Variants in CHD1L observed in about 807,000 individuals in gnomAD.
The protein encoded by CHD1L is chromodomain helicase DNA binding protein 1 like.
CHD1L carries 118 observed loss-of-function variants against 115.9 expected under a neutral mutation model. That is an observed-to-expected ratio of 1.02 (90% CI 0.88 to 1.19). The LOEUF (loss-of-function observed/expected upper bound fraction) is 1.19, where lower values mean the gene tolerates loss of function less well. CHD1L is among the 50% of genes most tolerant of loss of function. CHD1L has a pLI of 0.00. For missense variants in CHD1L, 1,179 were observed against 1,065.3 expected (o/e 1.11, Z -1.49); for synonymous variants, 411 against 387.1 (o/e 1.06, Z -0.72).
intron 15 of CHD1L, 38 bp from the exon 16 acceptor site, chr1:147,284,313 G>T (rs781895046): frequency 4.7e-6 from 7 of 1,474,140 alleles, no homozygotes; most frequent in Non-Finnish European, 6.4e-6. Context: ...TTTTTCCTTG[G>T]TATCTAACAT....
At chr1:147,278,859 C>T (rs587738913) in intron 14 of CHD1L, among the ~76,000 whole-genome samples, 2 of 152,146 alleles carry the variant, frequency 1.3e-5, no homozygotes, top group African/African-American at 4.8e-5. Context: ...ACTCTCTAAC[C>T]TCCGAGCACA....
chr1:147,245,666 T>C (rs1553933369), intron 1 of CHD1L, among the ~76,000 whole-genome samples: 1 of 150,920 alleles, frequency 6.6e-6, no homozygotes. Flanking sequence ...TCTTTGTGGA[T>C]ATAATTACAT....
intron 14 of CHD1L, among the ~76,000 whole-genome samples, chr1:147,277,579 CT>C (rs1183238778): frequency 6.6e-6 from 1 of 152,084 alleles, no homozygotes; most frequent in Non-Finnish European, 1.5e-5. Flanking sequence ...GTAGGTGTGG[CT>C]TTTTTCTTTT....
At chr1:147,214,189 C>T in the CHD1L span, among the ~76,000 whole-genome samples, 4 of 152,102 alleles carry the variant, frequency 2.6e-5, no homozygotes, top group African/African-American at 7.2e-5. Context: ...CGGTGGCTCA[C>T]GCATGTAATC....
At chr1:147,294,583 G>C in intron 22 of CHD1L, 66 bp downstream of exon 22, 1 of 1,299,478 alleles carries the variant, frequency 7.7e-7, no homozygotes, top group East Asian at 2.4e-5. Context: ...TCATTTTCTG[G>C]TGTCAGTTCT....
At chr1:147,245,543 C>A (rs1291065888) in intron 1 of CHD1L, among the ~76,000 whole-genome samples, 1 of 152,088 alleles carries the variant, frequency 6.6e-6, no homozygotes, top group African/African-American at 2.4e-5. Context: ...CTCCTCCAGG[C>A]CTTTCGACAA....
chr1:147,257,050 G>C (rs1344180192), intron 5 of CHD1L, among the ~76,000 whole-genome samples: 2 of 152,092 alleles, frequency 1.3e-5, no homozygotes, highest in Non-Finnish European at 2.9e-5. Flanking sequence ...CCTCTAATTA[G>C]TTAACCTCAT....
chr1:147,213,349 C>A, the CHD1L span: 1 of 1,612,968 alleles, frequency 6.2e-7, no homozygotes, highest in South Asian at 1.1e-5. Flanking sequence ...GGTGTGATGG[C>A]CAGTGCAAAC....
At chr1:147,178,053 G>T in the CHD1L span, 2 of 894,188 alleles carry the variant, frequency 2.2e-6, no homozygotes, top group South Asian at 3.7e-5. Context: ...TCGCGCGCCC[G>T]ACCGCCGCAG....
the CHD1L span, chr1:147,179,401 G>A: frequency 1.6e-5 from 25 of 1,598,194 alleles, no homozygotes; most frequent in African/African-American, 3.2e-4. Flanking sequence ...CCTGAATATC[G>A]TCATAGCCAA....
intron 6 of CHD1L, among the ~76,000 whole-genome samples, chr1:147,264,215 C>A (rs922481203): frequency 6.6e-6 from 1 of 152,114 alleles, no homozygotes; most frequent in Non-Finnish European, 1.5e-5. Flanking sequence ...ATTATTGTCC[C>A]CTTCTTATAG....
At chr1:147,291,667 A>G (rs1229452163) in intron 20 of CHD1L, 115 bp downstream of exon 20, 2 of 783,944 alleles carry the variant, frequency 2.6e-6, no homozygotes, top group African/African-American at 1.7e-5. Flanking sequence ...TAGGGCTGCC[A>G]TAACAAAAAG....
At chr1:147,273,485 A>C (rs1242990720) in intron 12 of CHD1L, among the ~76,000 whole-genome samples, 4 of 152,216 alleles carry the variant, frequency 2.6e-5, no homozygotes, top group Non-Finnish European at 4.4e-5. Context: ...TTAATAACAT[A>C]AGATTCATTT....
chr1:147,230,989 T>C, the CHD1L span, among the ~76,000 whole-genome samples: 3 of 152,158 alleles, frequency 2.0e-5, no homozygotes, highest in Admixed American at 6.5e-5. Context: ...TGAAGGGTTT[T>C]TTGTGTCTCT....
At chr1:147,290,952 C>T (rs782226184) in intron 19 of CHD1L, among the ~76,000 whole-genome samples, 5 of 152,160 alleles carry the variant, frequency 3.3e-5, no homozygotes, top group Non-Finnish European at 5.9e-5. Context: ...TGTGCTCGGC[C>T]ATATATGTCA....
At chr1:147,286,891 C>T (rs1326688850) in intron 18 of CHD1L, among the ~76,000 whole-genome samples, 2 of 152,150 alleles carry the variant, frequency 1.3e-5, no homozygotes, top group Non-Finnish European at 2.9e-5. Context: ...ACCCTTTCTT[C>T]CCAAATAACC....
At chr1:147,241,506 C>A (rs1001468272), upstream of CHD1L, among the ~76,000 whole-genome samples, 1 of 152,148 alleles carries the variant, frequency 6.6e-6, no homozygotes, top group African/African-American at 2.4e-5. Context: ...TGACTCTTTT[C>A]GGACTCAGCC....
chr1:147,203,631 G>A, the CHD1L span: 1 of 1,276,938 alleles, frequency 7.8e-7, no homozygotes, highest in Admixed American at 1.7e-5. Flanking sequence ...ATAGCGTACT[G>A]TTCAAGTCCA....
the CHD1L span, chr1:147,187,292 G>A: frequency 7.1e-7 from 1 of 1,418,176 alleles, no homozygotes; most frequent in East Asian, 2.3e-5. Context: ...AATTCAATCA[G>A]TCAGTCAATC....
Sources: allele counts gnomAD v4.1 joint callset (sites outside exome capture counted in the v4.1 genomes callset), GRCh38; gene constraint gnomAD v4.1.1; transcripts MANE v1.5; gene names NCBI Gene and HGNC (gene_info 2026-07-23, HGNC 2026-07-21).